Variants in PCDH11X observed in about 807,000 individuals in gnomAD.
PCDH11X encodes the protein protocadherin-11 X-linked.
A neutral mutation model predicts 53.3 loss-of-function variants in PCDH11X; 18 were observed. That is an observed-to-expected ratio of 0.34 (90% CI 0.23 to 0.50). PCDH11X has a LOEUF of 0.50. Ranked by LOEUF, PCDH11X falls within the 20% of genes least tolerant of loss-of-function variation. The pLI is 0.98. For synonymous variants in PCDH11X, 279 were observed against 393.3 expected, an observed-to-expected ratio of 0.71 and a Z score of 3.44; for missense variants, 570 against 1,032.4, an observed-to-expected ratio of 0.55 and a Z score of 6.14.
chrX:92,037,568 C>T (rs935598070), intron 6 of PCDH11X, among the ~76,000 whole-genome samples: 7 of 109,396 alleles, frequency 6.4e-5, no homozygotes, highest in African/African-American at 2.3e-4. Flanking sequence ...CTTTGGGATT[C>T]CTTTGCTTGG....
chrX:92,121,945 G>A (rs1373260560), intron 6 of PCDH11X, among the ~76,000 whole-genome samples: 22 of 103,662 alleles, frequency 2.1e-4, no homozygotes, highest in African/African-American at 7.8e-4. Context: ...AACAGAGCAA[G>A]ACTCCCTTTC....
At chrX:92,325,578 T>C (rs1259418107) in intron 8 of PCDH11X, among the ~76,000 whole-genome samples, 1 of 111,479 alleles carries the variant, frequency 9.0e-6, no homozygotes, top group East Asian at 2.8e-4. Context: ...ACCATTTTTT[T>C]CTCATATTAT....
chrX:92,283,511 T>C (rs774565074), intron 8 of PCDH11X, among the ~76,000 whole-genome samples: 23 of 111,498 alleles, frequency 2.1e-4, no homozygotes, highest in Non-Finnish European at 3.6e-4. Context: ...GAGTCAGTGA[T>C]TTAGTGAGGG....
At chrX:92,045,230 A>C (rs765581159) in intron 6 of PCDH11X, among the ~76,000 whole-genome samples, 36 of 107,360 alleles carry the variant, frequency 3.4e-4, no homozygotes, top group Admixed American at 3.1e-4. Context: ...GCCCTTAGGG[A>C]GCTTGTAGTC....
chrX:92,105,627 T>C (rs1419416879), intron 6 of PCDH11X, among the ~76,000 whole-genome samples: 3 of 96,138 alleles, frequency 3.1e-5, no homozygotes, highest in Non-Finnish European at 6.2e-5. Context: ...CTCTGGCGGG[T>C]AGGAGTGGGG....
chrX:91,973,613 C>CTTTTTTTTTT (rs750179369), intron 6 of PCDH11X, among the ~76,000 whole-genome samples: 3 of 88,315 alleles, frequency 3.4e-5, no homozygotes, highest in African/African-American at 1.3e-4. Flanking sequence ...GTATATACAA[C>CTTTTTTTTTT]TTTTTTTTTT....
chrX:92,499,872 G>T (rs1303132296), intron 10 of PCDH11X, among the ~76,000 whole-genome samples: 1 of 105,837 alleles, frequency 9.4e-6, no homozygotes, highest in East Asian at 3.0e-4. Flanking sequence ...AAAGAAGAAA[G>T]AAAGAAAGAA....
intron 7 of PCDH11X, among the ~76,000 whole-genome samples, chrX:92,217,009 T>C (rs897673947): frequency 1.8e-5 from 2 of 110,599 alleles, no homozygotes; most frequent in African/African-American, 6.6e-5. Context: ...TGCTGAGAGA[T>C]TTTGTCACCA....
chrX:92,503,464 TAGA>T (rs2073996323), intron 10 of PCDH11X, among the ~76,000 whole-genome samples: 3 of 107,405 alleles, frequency 2.8e-5, no homozygotes, highest in Admixed American at 9.9e-5. Flanking sequence ...AGCAAAGTCA[TAGA>T]ATCAACCTAA....
chrX:92,264,103 T>C (rs2067774127), intron 8 of PCDH11X, among the ~76,000 whole-genome samples: 1 of 112,158 alleles, frequency 8.9e-6, no homozygotes, highest in African/African-American at 3.2e-5. Flanking sequence ...AACCACACTT[T>C]ACGTTTGAAA....
At chrX:92,003,506 C>T (rs1317115670) in intron 6 of PCDH11X, among the ~76,000 whole-genome samples, 2 of 106,430 alleles carry the variant, frequency 1.9e-5, no homozygotes, top group African/African-American at 7.0e-5. Context: ...CATGGGGTCC[C>T]AGGCTTTTTT....
intron 6 of PCDH11X, among the ~76,000 whole-genome samples, chrX:91,882,386 C>A (rs1422247462): frequency 9.1e-6 from 1 of 109,543 alleles, no homozygotes; most frequent in Non-Finnish European, 1.9e-5. Context: ...CACTTTTGAT[C>A]AATGTCATAT....
At chrX:91,949,157 T>C (rs1224695021) in intron 6 of PCDH11X, among the ~76,000 whole-genome samples, 8 of 110,633 alleles carry the variant, frequency 7.2e-5, no homozygotes, top group Non-Finnish European at 1.1e-4. Context: ...GTCTGTCATA[T>C]TGAAGACTAA....
chrX:91,805,370 C>T (rs2147548347), intron 1 of PCDH11X, among the ~76,000 whole-genome samples: 1 of 111,346 alleles, frequency 9.0e-6, no homozygotes, highest in South Asian at 4.1e-4. Flanking sequence ...TACATGCATA[C>T]ATGTATGTGT....
rs189636529 is a variant in PCDH11X at position 92,049,631 on chromosome X, G to A, written c.3034-151744G>A. On this transcript the variant is annotated intron_variant, in intron 6 of 10. Coordinates refer to ENST00000682573, the MANE Select transcript of PCDH11X (RefSeq NM_032968.5). ...AAAAATAGTATCTGTAGATAAACAG[G>A]TATTTTAATTAAAAATAAATATTCT... is the stretch of plus-strand genomic sequence containing the variant. Among the ~76,000 whole-genome samples the A allele has an allele frequency of 5.3e-3, 594 of 111,256 alleles. 4 individuals are homozygous for A. The highest frequency in any genetic ancestry group is 0.019 in the African/African-American group (575 of 30,681).
intron 6 of PCDH11X, among the ~76,000 whole-genome samples, chrX:92,084,538 C>CAA (rs574981485): frequency 0.27 from 16,586 of 61,629 alleles, 2,028 homozygotes; most frequent in East Asian, 0.46. Flanking sequence ...AACACAGTCT[C>CAA]AAAAAAAAAA....
At chrX:92,010,601 T>C (rs1403273560) in intron 6 of PCDH11X, among the ~76,000 whole-genome samples, 1 of 111,185 alleles carries the variant, frequency 9.0e-6, no homozygotes, top group African/African-American at 3.3e-5. Context: ...ACAGAACACT[T>C]TGATCTTATA....
At chrX:92,484,183 A>G (rs191827735) in intron 10 of PCDH11X, among the ~76,000 whole-genome samples, 778 of 32,984 alleles carry the variant, frequency 0.024, 15 homozygotes, top group African/African-American at 0.057. Flanking sequence ...ATATGTATGT[A>G]TATATATGTA....
intron 6 of PCDH11X, among the ~76,000 whole-genome samples, chrX:92,097,248 T>C (rs1419405041): frequency 2.7e-4 from 30 of 109,297 alleles, no homozygotes; most frequent in Middle Eastern, 9.3e-3. Flanking sequence ...GAGACCCATC[T>C]CTACAAAAAA....
Sources: allele counts gnomAD v4.1 joint callset (sites outside exome capture counted in the v4.1 genomes callset), GRCh38; gene constraint gnomAD v4.1.1; transcripts MANE v1.5; gene names NCBI Gene and HGNC (gene_info 2026-07-23, HGNC 2026-07-21).